Variants in GPC3 observed in about 807,000 individuals in gnomAD.
GPC3 encodes glypican 3.
In GPC3, 3 loss-of-function variants were observed where a neutral mutation model predicts 34.4. The ratio of observed to expected loss-of-function variants is 0.09; its 90% CI spans 0.04 to 0.23. GPC3 has a LOEUF of 0.23. Among genes scored for constraint, GPC3 ranks in the 10% least tolerant of loss-of-function variants. The probability of loss-of-function intolerance (pLI) is 1.00; values close to 1 mark genes in which losing one functional copy is unlikely to be tolerated. For missense variants in GPC3, 351 were observed against 445.6 expected (o/e 0.79, Z 1.91); for synonymous variants, 177 against 174.0 (o/e 1.02, Z -0.13).
chrX:133,542,984 G>A (rs912793417), intron 7 of GPC3, among the ~76,000 whole-genome samples: 4 of 111,968 alleles, frequency 3.6e-5, no homozygotes, highest in Non-Finnish European at 7.5e-5. Flanking sequence ...AGAAGAAAAT[G>A]ACTTTTCAAA....
intron 2 of GPC3, among the ~76,000 whole-genome samples, chrX:133,877,977 T>G (rs2076024114): frequency 8.9e-6 from 1 of 111,782 alleles, no homozygotes; most frequent in Non-Finnish European, 1.9e-5. Context: ...TTTTTTAATA[T>G]TCTGCATTTT....
chrX:133,565,666 G>A (rs956826086), intron 7 of GPC3, among the ~76,000 whole-genome samples: 6 of 112,339 alleles, frequency 5.3e-5, no homozygotes, highest in Admixed American at 9.4e-5. Flanking sequence ...ACTGACTAAG[G>A]AGGAACTTGG....
intron 2 of GPC3, among the ~76,000 whole-genome samples, chrX:133,777,798 A>C (rs1343874017): frequency 9.0e-6 from 1 of 111,009 alleles, no homozygotes; most frequent in Non-Finnish European, 1.9e-5. Context: ...TATTTTAACA[A>C]GCTCCCCAGG....
chrX:133,808,332 A>C (rs1039736143), intron 2 of GPC3, among the ~76,000 whole-genome samples: 5 of 112,517 alleles, frequency 4.4e-5, no homozygotes, highest in African/African-American at 1.6e-4. Flanking sequence ...TCTTAGTCTC[A>C]AATGACAGTT....
chrX:133,804,112 A>C lies in GPC3; in HGVS notation c.338-49936T>G, dbSNP rs114687575. 4.3e-3 allele frequency among the ~76,000 whole-genome samples: 477 copies of C among 111,112 alleles called. 9 individuals are homozygous for C. The highest frequency in any genetic ancestry group is 0.015 in the African/African-American group (453 of 30,509). On this transcript the variant is annotated intron_variant, in intron 2 of 7. Coordinates refer to ENST00000370818, the MANE Select transcript of GPC3 (RefSeq NM_004484.4). Reference sequence around the variant, plus strand: ...TCCACTATTTCTGGTGTTTTCACAAATATTTCCTCAAAATATATCTCTCAA... The same window carrying C: ...TCCACTATTTCTGGTGTTTTCACAACTATTTCCTCAAAATATATCTCTCAA...
At chrX:133,722,034 ATC>A (rs1362808064) in intron 3 of GPC3, among the ~76,000 whole-genome samples, 1 of 111,318 alleles carries the variant, frequency 9.0e-6, no homozygotes, top group Non-Finnish European at 1.9e-5. Flanking sequence ...CAAATCATAT[ATC>A]TAATAAGGAT....
chrX:133,718,086 C>A (rs1420772253), intron 3 of GPC3, among the ~76,000 whole-genome samples: 3 of 110,763 alleles, frequency 2.7e-5, no homozygotes, highest in South Asian at 3.8e-4. Context: ...GACCCTGTCT[C>A]TAGAAAAAAA....
chrX:133,910,757 C>T (rs2076194784), intron 2 of GPC3, among the ~76,000 whole-genome samples: 1 of 112,150 alleles, frequency 8.9e-6, no homozygotes, highest in African/African-American at 3.2e-5. Flanking sequence ...TGTTAGTAGG[C>T]TTCTATTCAA....
rs113631208 is a variant in GPC3, at chrX:133,564,121, A to G, written c.1574-27828T>C. On this transcript the variant is annotated intron_variant, in intron 7 of 7. Transcript: ENST00000370818. ...CTGCCACCAGCCCATTGGTCTTTTA[A>G]GAGAGAGGAGAGATGGATGCACAGA... 4.8e-3 allele frequency among the ~76,000 whole-genome samples: 533 copies of G among 111,423 alleles called. 6 individuals are homozygous for G. Among genetic ancestry groups the G allele is most frequent in the African/African-American group, 0.017 (507 of 30,664 alleles).
intron 7 of GPC3, among the ~76,000 whole-genome samples, chrX:133,543,907 TG>T (rs1289232606): frequency 8.9e-6 from 1 of 111,750 alleles, no homozygotes. Flanking sequence ...TCTGACGTAG[TG>T]GGGGGATTTA....
intron 3 of GPC3, among the ~76,000 whole-genome samples, chrX:133,721,924 T>C (rs1335776229): frequency 1.8e-5 from 2 of 111,661 alleles, no homozygotes; most frequent in African/African-American, 6.5e-5. Flanking sequence ...AAGCAAAAAA[T>C]AGATGAAATG....
At chrX:133,917,549 A>G (rs1357716431) in intron 2 of GPC3, among the ~76,000 whole-genome samples, 1 of 111,935 alleles carries the variant, frequency 8.9e-6, no homozygotes, top group East Asian at 2.8e-4. Context: ...GTCAATGTTA[A>G]TTATGTTCTT....
chrX:133,868,248 C>CTGCT (rs1167840884), intron 2 of GPC3, among the ~76,000 whole-genome samples: 1 of 112,060 alleles, frequency 8.9e-6, no homozygotes, highest in Admixed American at 9.4e-5. Flanking sequence ...AAAGCACTCA[C>CTGCT]CCTAGCTCCT....
At chrX:133,567,706 G>A (rs1281904939) in intron 7 of GPC3, among the ~76,000 whole-genome samples, 2 of 111,625 alleles carry the variant, frequency 1.8e-5, no homozygotes, top group African/African-American at 6.5e-5. Flanking sequence ...AAGTCAACTT[G>A]GAATTCAATA....
intron 6 of GPC3, among the ~76,000 whole-genome samples, chrX:133,621,741 C>G (rs1036178272): frequency 8.9e-6 from 1 of 112,426 alleles, no homozygotes. Context: ...CATAGCTGAA[C>G]AAAAGGCAGC....
intron 1 of GPC3, among the ~76,000 whole-genome samples, chrX:133,958,724 C>CAAA (rs1180723052): frequency 1.9e-3 from 144 of 76,464 alleles, no homozygotes; most frequent in African/African-American, 6.5e-3. Flanking sequence ...AAAAAAAAAA[C>CAAA]AAAAAAAAAA....
intron 5 of GPC3, among the ~76,000 whole-genome samples, chrX:133,686,120 C>A (rs1273994156): frequency 9.0e-6 from 1 of 111,676 alleles, no homozygotes; most frequent in East Asian, 2.8e-4. Context: ...AAATATAAAC[C>A]CCTATGGGAG....
At chrX:133,686,768 A>C (rs1027263357) in intron 5 of GPC3, among the ~76,000 whole-genome samples, 2 of 98,041 alleles carry the variant, frequency 2.0e-5, no homozygotes, top group East Asian at 6.5e-4. Context: ...ATTTTACCTC[A>C]ACACACACAC....
chrX:133,720,482 G>A (rs765208385), intron 3 of GPC3, among the ~76,000 whole-genome samples: 9 of 111,605 alleles, frequency 8.1e-5, no homozygotes, highest in African/African-American at 2.3e-4. Flanking sequence ...TTTGCCTGCC[G>A]CCATCCATGT....
Sources: allele counts gnomAD v4.1 joint callset (sites outside exome capture counted in the v4.1 genomes callset), GRCh38; gene constraint gnomAD v4.1.1; transcripts MANE v1.5; gene names NCBI Gene and HGNC (gene_info 2026-07-23, HGNC 2026-07-21).